The following FRMD4A variants were observed in gnomAD, a reference collection of about 807,000 sequenced individuals.
FRMD4A encodes FERM domain-containing protein 4A.
Under a neutral mutation model 129.1 loss-of-function variants are expected in FRMD4A, and 29 were observed. The ratio of observed to expected loss-of-function variants is 0.22; its 90% CI spans 0.17 to 0.31. The LOEUF is 0.31. Ranked by LOEUF, FRMD4A falls within the 10% of genes least tolerant of loss-of-function variation. FRMD4A has a pLI of 1.00. For synonymous variants in FRMD4A, 634 were observed against 571.6 expected, an observed-to-expected ratio of 1.11 and a Z score of -1.56; for missense variants, 1,272 against 1,375.8, an observed-to-expected ratio of 0.92 and a Z score of 1.19.
intron 8 of FRMD4A, among the ~76,000 whole-genome samples, chr10:13,760,870 C>CT (rs34812449): frequency 0.3 from 42,741 of 143,996 alleles, 6,727 homozygotes; most frequent in East Asian, 0.54. Context: ...CTACCCTGGC[C>CT]TTTTTTTTTT....
chr10:14,188,151 T>G (rs1344044003), intron 2 of FRMD4A, among the ~76,000 whole-genome samples: 1 of 152,216 alleles, frequency 6.6e-6, no homozygotes, highest in Non-Finnish European at 1.5e-5. Flanking sequence ...AAAAATGACT[T>G]ATTTCATTAC....
chr10:13,811,229 G>A (rs1287854573), intron 3 of FRMD4A, among the ~76,000 whole-genome samples: 2 of 150,076 alleles, frequency 1.3e-5, no homozygotes, highest in Non-Finnish European at 3.0e-5. Flanking sequence ...TCTGCCTCCC[G>A]GGTTCAAGCG....
At chr10:13,761,841 C>T (rs577654755) in intron 7 of FRMD4A, among the ~76,000 whole-genome samples, 172 bp from the exon 8 acceptor site, 13 of 152,270 alleles carry the variant, frequency 8.5e-5, no homozygotes, top group African/African-American at 3.1e-4. Flanking sequence ...CACACCTTTG[C>T]CATTTGAATA....
intron 8 of FRMD4A, 106 bp from the exon 9 acceptor site, chr10:13,747,925 C>G: frequency 1.4e-6 from 1 of 715,296 alleles, no homozygotes; most frequent in South Asian, 1.5e-5. Flanking sequence ...ACATCTGCTT[C>G]CCTGTTAATA....
In FRMD4A at chr10:14,320,297, T is replaced by C. The variant is rs1218428; in HGVS notation, c.45+9761A>G. ...AGAGCATTTGCAATGTCTTGCCTTA[T>C]TCTTTAGCTAGCAGTCCATCTCTTC... On this transcript the variant is annotated intron_variant, in intron 2 of 24. Transcript: ENST00000357447. Among the ~76,000 whole-genome samples, 650 of 152,322 alleles carry C rather than the reference T, an allele frequency of 4.3e-3. 7 individuals are homozygous for C. The highest frequency in any genetic ancestry group is 0.015 in the African/African-American group (610 of 41,560).
intron 2 of FRMD4A, among the ~76,000 whole-genome samples, chr10:14,300,733 G>C (rs966526604): frequency 6.6e-6 from 1 of 152,246 alleles, no homozygotes; most frequent in African/African-American, 2.4e-5. Flanking sequence ...CATCTAAGGA[G>C]ACAGAAGGGC....
chr10:13,941,048 C>A (rs964040849), intron 2 of FRMD4A, among the ~76,000 whole-genome samples: 1 of 152,266 alleles, frequency 6.6e-6, no homozygotes, highest in Non-Finnish European at 1.5e-5. Flanking sequence ...TATCCGAGAA[C>A]CATGGGACTT....
At chr10:13,706,182 T>G (rs1213880408) in intron 13 of FRMD4A, among the ~76,000 whole-genome samples, 5 of 152,216 alleles carry the variant, frequency 3.3e-5, no homozygotes, top group Non-Finnish European at 7.3e-5. Context: ...AGTCTGATCT[T>G]TTTTCTGTCT....
intron 12 of FRMD4A, among the ~76,000 whole-genome samples, chr10:13,717,657 G>C (rs2088949202): frequency 7.0e-6 from 1 of 143,542 alleles, no homozygotes; most frequent in South Asian, 2.2e-4. Context: ...TGACTACTTT[G>C]GAGGACAGGC....
At chr10:14,309,724 G>C (rs570507263) in intron 2 of FRMD4A, among the ~76,000 whole-genome samples, 4 of 152,014 alleles carry the variant, frequency 2.6e-5, no homozygotes, top group African/African-American at 7.2e-5. Flanking sequence ...CTCAGGCTCC[G>C]TATGCCTCCC....
intron 2 of FRMD4A, among the ~76,000 whole-genome samples, chr10:14,162,612 C>T (rs2139915): frequency 0.4 from 58,902 of 148,728 alleles, 11,847 homozygotes; most frequent in East Asian, 0.58. Context: ...CAATTGAACA[C>T]GAGTCTTGAG....
intron 8 of FRMD4A, 69 bp downstream of exon 8, chr10:13,761,578 T>C: frequency 9.6e-7 from 1 of 1,036,742 alleles, no homozygotes; most frequent in Non-Finnish European, 1.5e-6. Flanking sequence ...GACATCCTGA[T>C]TAGTTTCTTT....
At position 13,842,786 on chromosome 10, in the gene FRMD4A, G is replaced by A. The variant is rs1001323346; in HGVS notation, c.111+16061C>T. On this transcript the variant is annotated intron_variant, in intron 3 of 24. Transcript: ENST00000357447. ...CAAGGCTGCAGTGAGCTATGATCAC[G>A]CCACTGCACTCTAGCCTGGGTGACA... is the stretch of plus-strand genomic sequence containing the variant. Among the ~76,000 whole-genome samples, 39 of 152,096 alleles carry A rather than the reference G, an allele frequency of 2.6e-4. 1 individual carries two copies. The highest frequency in any genetic ancestry group is 2.4e-3 in the Admixed American group (36 of 15,280).
intron 2 of FRMD4A, among the ~76,000 whole-genome samples, chr10:14,036,084 G>A (rs1180230447): frequency 1.3e-5 from 2 of 151,938 alleles, no homozygotes; most frequent in Non-Finnish European, 2.9e-5. Flanking sequence ...TCAGGAGGAT[G>A]CAGTAAGGAT....
chr10:13,946,956 C>T (rs1043626297), intron 2 of FRMD4A, among the ~76,000 whole-genome samples: 8 of 152,180 alleles, frequency 5.3e-5, no homozygotes, highest in Middle Eastern at 3.4e-3. Context: ...ACAAGAGGAG[C>T]GCTCATATGG....
chr10:13,805,899 C>A (rs2093350319), intron 4 of FRMD4A, among the ~76,000 whole-genome samples: 2 of 151,886 alleles, frequency 1.3e-5, no homozygotes, highest in African/African-American at 4.8e-5. Context: ...AACTCTGTCA[C>A]CCAGGCTGGA....
At chr10:13,897,972 T>C (rs1348855618) in intron 2 of FRMD4A, among the ~76,000 whole-genome samples, 1 of 149,830 alleles carries the variant, frequency 6.7e-6, no homozygotes, top group Non-Finnish European at 1.5e-5. Context: ...ATATGTGTCT[T>C]AGGCACAGCA....
intron 2 of FRMD4A, among the ~76,000 whole-genome samples, chr10:13,972,928 T>C (rs537913850): frequency 6.6e-6 from 1 of 152,374 alleles, no homozygotes; most frequent in East Asian, 1.9e-4. Flanking sequence ...TTATTTATTA[T>C]CTGTCTCTTC....
chr10:14,247,494 C>CCTCT (rs142709328), intron 2 of FRMD4A, among the ~76,000 whole-genome samples: 3 of 150,790 alleles, frequency 2.0e-5, no homozygotes, highest in Non-Finnish European at 3.0e-5. Context: ...TACAGATAGG[C>CCTCT]CTCTCTCTCT....
Sources: allele counts gnomAD v4.1 joint callset (sites outside exome capture counted in the v4.1 genomes callset), GRCh38; gene constraint gnomAD v4.1.1; transcripts MANE v1.5; gene names NCBI Gene and HGNC (gene_info 2026-07-23, HGNC 2026-07-21).